STK32B: variants seen among roughly 807,000 people sequenced by gnomAD.
The protein encoded by STK32B is serine/threonine kinase 32B.
Under a neutral mutation model 52.6 loss-of-function variants are expected in STK32B, and 43 were observed. The observed-to-expected ratio is 0.82, with a 90% CI of 0.64 to 1.05. The LOEUF (loss-of-function observed/expected upper bound fraction) is 1.05. STK32B is among the 50% of genes least tolerant of loss of function. The pLI is 0.00. For synonymous variants in STK32B, 238 were observed against 204.3 expected (o/e 1.17, Z -1.41); for missense variants, 621 against 534.6 (o/e 1.16, Z -1.59).
intron 1 of STK32B, among the ~76,000 whole-genome samples, chr4:5,135,051 A>G (rs1167120407): frequency 1.3e-5 from 2 of 152,238 alleles, no homozygotes; most frequent in Non-Finnish European, 2.9e-5. Flanking sequence ...CAGTGTGATC[A>G]ATCACCATCA....
chr4:5,424,366 A>G (rs1233364401), intron 6 of STK32B, among the ~76,000 whole-genome samples: 1 of 152,118 alleles, frequency 6.6e-6, no homozygotes, highest in Non-Finnish European at 1.5e-5. Flanking sequence ...GGATGGTCTG[A>G]AGCCTGGGGG....
intron 6 of STK32B, among the ~76,000 whole-genome samples, chr4:5,436,805 T>C (rs35042282): frequency 0.094 from 14,298 of 152,142 alleles, 1,019 homozygotes; most frequent in East Asian, 0.4. Flanking sequence ...TGAGGCAAGC[T>C]ACTCTTCCTC....
At chr4:5,482,776 A>G (rs901536416) in intron 11 of STK32B, among the ~76,000 whole-genome samples, 1 of 152,196 alleles carries the variant, frequency 6.6e-6, no homozygotes, top group African/African-American at 2.4e-5. Flanking sequence ...TACCTAATTC[A>G]TTAAGAGTTT....
At chr4:5,466,918 A>G in intron 10 of STK32B, 84 bp downstream of exon 10, 1 of 1,495,292 alleles carries the variant, frequency 6.7e-7, no homozygotes, top group Non-Finnish European at 9.0e-7. Flanking sequence ...TTTAGCAAAA[A>G]GGGGACATTT....
At chr4:5,168,508 A>C in intron 3 of STK32B, 58 bp downstream of exon 3, 1 of 1,543,010 alleles carries the variant, frequency 6.5e-7, no homozygotes, top group Non-Finnish European at 8.8e-7. Context: ...CCAAATGCAA[A>C]TTCGCCTCTG....
chr4:5,452,235 G>A (rs1419112526), intron 7 of STK32B, among the ~76,000 whole-genome samples: 2 of 152,160 alleles, frequency 1.3e-5, no homozygotes, highest in African/African-American at 4.8e-5. Flanking sequence ...TTCTCCTTAG[G>A]AATGGGTAGA....
intron 11 of STK32B, among the ~76,000 whole-genome samples, chr4:5,483,392 T>G (rs1216550116): frequency 6.6e-6 from 1 of 152,092 alleles, no homozygotes; most frequent in African/African-American, 2.4e-5. Flanking sequence ...TTTATAGTGT[T>G]CTCTGATGGT....
At chr4:5,327,226 A>G (rs748347599) in intron 3 of STK32B, among the ~76,000 whole-genome samples, 23 of 151,508 alleles carry the variant, frequency 1.5e-4, no homozygotes, top group Non-Finnish European at 2.2e-4. Flanking sequence ...ATAGTCATCC[A>G]TGAGGGTTAG....
rs776183684 is a variant in STK32B at position 5,498,969 on chromosome 4, C to A, written c.1131C>A (p.Gly377=). The change falls in exon 12 of 12, where the codon GGC becomes GGA. Residue 377 remains glycine (G), a synonymous_variant. Transcript: ENST00000282908. ...REKLRRQQGQ[G]SQLLDTDSRG... is the part of the protein sequence containing the mutation. ...GGCTCAGGAGGCAGCAGGGACAGGG[C>A]AGCCAGCTCTTGGACACCGACAGCC... 2 of 1,613,360 alleles carry A rather than the reference C, an allele frequency of 1.2e-6. No individual in the cohort carries two copies. Among genetic ancestry groups the A allele is most frequent in the South Asian group, 1.1e-5 (1 of 90,964 alleles).
chr4:5,149,021 C>T (rs1389889236), intron 2 of STK32B, among the ~76,000 whole-genome samples: 2 of 151,758 alleles, frequency 1.3e-5, no homozygotes, highest in Non-Finnish European at 3.0e-5. Flanking sequence ...TCTTTGAGAT[C>T]AGAGTACCCA....
chr4:5,221,127 T>G (rs1723509607), intron 3 of STK32B, among the ~76,000 whole-genome samples: 1 of 152,212 alleles, frequency 6.6e-6, no homozygotes, highest in South Asian at 2.1e-4. Flanking sequence ...ATTGATGTTC[T>G]TCTCTCTGTT....
At chr4:5,297,221 A>G (rs974205622) in intron 3 of STK32B, among the ~76,000 whole-genome samples, 4 of 152,084 alleles carry the variant, frequency 2.6e-5, no homozygotes, top group Non-Finnish European at 4.4e-5. Context: ...GTCTTCCTTC[A>G]TTTCAACCTT....
At chr4:5,365,253 G>A (rs114246462) in intron 4 of STK32B, among the ~76,000 whole-genome samples, 159 of 152,190 alleles carry the variant, frequency 1.0e-3, no homozygotes, top group Non-Finnish European at 1.2e-3. Context: ...ATGTTTTCAC[G>A]GAACTTTGGC....
intron 1 of STK32B, among the ~76,000 whole-genome samples, chr4:5,068,654 TA>T (rs796850045): frequency 1.4e-4 from 22 of 152,046 alleles, no homozygotes; most frequent in African/African-American, 4.8e-4. Context: ...GAATTATTAT[TA>T]TTTTTTTTAC....
chr4:5,159,064 C>G (rs546043782), intron 2 of STK32B, among the ~76,000 whole-genome samples: 9 of 152,270 alleles, frequency 5.9e-5, no homozygotes, highest in African/African-American at 2.2e-4. Flanking sequence ...TGAATACCAG[C>G]AAGCTTTGGC....
At chr4:5,242,656 C>T (rs1272183563) in intron 3 of STK32B, among the ~76,000 whole-genome samples, 1 of 152,090 alleles carries the variant, frequency 6.6e-6, no homozygotes, top group East Asian at 1.9e-4. Context: ...CTTGCCCATG[C>T]CTATGTCCTG....
At chr4:5,141,108 A>G (rs1323980488) in intron 2 of STK32B, among the ~76,000 whole-genome samples, 1 of 152,230 alleles carries the variant, frequency 6.6e-6, no homozygotes, top group Non-Finnish European at 1.5e-5. Context: ...ATTAACATTA[A>G]GTAAAATGGT....
intron 2 of STK32B, among the ~76,000 whole-genome samples, chr4:5,157,547 G>A (rs1278783208): frequency 6.6e-6 from 1 of 152,106 alleles, no homozygotes; most frequent in African/African-American, 2.4e-5. Flanking sequence ...GAAAGAAATG[G>A]GCCACGTGGG....
At chr4:5,140,803 C>G (rs1370456411) in intron 2 of STK32B, among the ~76,000 whole-genome samples, 2 of 152,188 alleles carry the variant, frequency 1.3e-5, no homozygotes, top group Non-Finnish European at 2.9e-5. Flanking sequence ...TCCATGCATA[C>G]TAATTGCATG....
Sources: gnomAD v4.1 joint callset for allele counts (sites outside exome capture counted in the v4.1 genomes callset) on GRCh38, gnomAD v4.1.1 for gene constraint, MANE v1.5 for transcripts, NCBI Gene and HGNC (gene_info 2026-07-23, HGNC 2026-07-21) for gene names.